Variants in EIF2B3 observed in about 807,000 individuals in gnomAD.
The protein encoded by EIF2B3 is translation initiation factor eIF2B subunit gamma.
EIF2B3 carries 20 observed loss-of-function variants against 54.1 expected under a neutral mutation model. That is an observed-to-expected ratio of 0.37 (90% CI 0.26 to 0.54). EIF2B3 has a LOEUF of 0.54. Ranked by LOEUF, EIF2B3 falls within the 20% of genes least tolerant of loss-of-function variation. The pLI, the probability that EIF2B3 is intolerant of heterozygous loss-of-function variation, is 0.86. For missense variants in EIF2B3, 448 were observed against 547.8 expected (o/e 0.82, Z 1.82); for synonymous variants, 153 against 188.1 (o/e 0.81, Z 1.52).
At chr1:44,920,740 A>C (rs148618042) in intron 5 of EIF2B3, among the ~76,000 whole-genome samples, 344 of 152,278 alleles carry the variant, frequency 2.3e-3, no homozygotes, top group African/African-American at 5.2e-3. Flanking sequence ...TTATGTCTGA[A>C]TAGTACTTAA....
At chr1:44,927,150 A>C (rs1251673316) in intron 4 of EIF2B3, among the ~76,000 whole-genome samples, 20 of 152,128 alleles carry the variant, frequency 1.3e-4, no homozygotes, top group Admixed American at 1.3e-3. Flanking sequence ...AAAAAAAAAA[A>C]CAGGATTGAG....
chr1:44,968,286 A>G (rs1279507825), intron 3 of EIF2B3, among the ~76,000 whole-genome samples: 2 of 148,400 alleles, frequency 1.3e-5, no homozygotes, highest in African/African-American at 5.0e-5. Flanking sequence ...GGATGGCTTG[A>G]GCCCAGGAGG....
At chr1:44,940,147 A>G (rs1644004109) in intron 4 of EIF2B3, among the ~76,000 whole-genome samples, 1 of 152,210 alleles carries the variant, frequency 6.6e-6, no homozygotes, top group South Asian at 2.1e-4. Context: ...ACGTCCTAAA[A>G]TATTAACTAG....
intron 3 of EIF2B3, among the ~76,000 whole-genome samples, chr1:44,963,278 CTTTT>C (rs373810618): frequency 7.0e-6 from 1 of 143,478 alleles, no homozygotes; most frequent in African/African-American, 2.5e-5. Context: ...GGGGGGAAAT[CTTTT>C]TTTTTTTTGA....
At chr1:44,879,681 GA>G (rs1655322693) in intron 8 of EIF2B3, 136 bp downstream of exon 8, 5 of 993,808 alleles carry the variant, frequency 5.0e-6, no homozygotes, top group Admixed American at 4.0e-5. Flanking sequence ...AGTCTCCCTT[GA>G]CGTGCCAGGT....
In EIF2B3 at chr1:44,880,022, A is replaced by G. The variant is rs1295078071; in HGVS notation, c.785-14T>C. ...AACTGTAGATATCTTCAGAACAAAC[A>G]CCCAACCAAGGAAATAAATGAGAGA... On this transcript the variant is annotated splice_polypyrimidine_tract_variant and intron_variant, in intron 7 of 11. Coordinates refer to ENST00000360403, the MANE Select transcript of EIF2B3 (RefSeq NM_020365.5). 1 of 1,613,478 alleles carries G rather than the reference A, an allele frequency of 6.2e-7. No homozygotes were observed. The highest frequency in any genetic ancestry group is 8.5e-7 in the Non-Finnish European group (1 of 1,179,636).
At chr1:44,930,720 A>C (rs2148934725) in intron 4 of EIF2B3, among the ~76,000 whole-genome samples, 1 of 152,282 alleles carries the variant, frequency 6.6e-6, no homozygotes, top group South Asian at 2.1e-4. Flanking sequence ...GGCTCACTGC[A>C]ACCTCCGCCT....
intron 3 of EIF2B3, among the ~76,000 whole-genome samples, chr1:44,949,670 T>C (rs1644140280): frequency 6.6e-6 from 1 of 152,128 alleles, no homozygotes; most frequent in South Asian, 2.1e-4. Flanking sequence ...AACCTGCTAC[T>C]ACCAAAGAAG....
At chr1:44,952,560 T>G (rs1026113034) in intron 3 of EIF2B3, among the ~76,000 whole-genome samples, 1 of 151,486 alleles carries the variant, frequency 6.6e-6, no homozygotes, top group Non-Finnish European at 1.5e-5. Flanking sequence ...TCTCCAATTT[T>G]TTTTTTTTTT....
chr1:44,885,203 A>G (rs1655535977), intron 6 of EIF2B3, among the ~76,000 whole-genome samples: 1 of 152,214 alleles, frequency 6.6e-6, no homozygotes, highest in Admixed American at 6.5e-5. Context: ...TCAAGCAATC[A>G]CAAAGGAGAA....
At chr1:44,866,075 A>C (rs189920245) in intron 10 of EIF2B3, among the ~76,000 whole-genome samples, 1 of 152,194 alleles carries the variant, frequency 6.6e-6, no homozygotes, top group Non-Finnish European at 1.5e-5. Flanking sequence ...AGTATTAAGA[A>C]GTTAGGGGAT....
chr1:44,957,911 G>C (rs1644245115), intron 3 of EIF2B3, among the ~76,000 whole-genome samples: 2 of 152,130 alleles, frequency 1.3e-5, no homozygotes, highest in Non-Finnish European at 2.9e-5. Flanking sequence ...ATGGAAATTT[G>C]GTCATTTTTA....
intron 4 of EIF2B3, among the ~76,000 whole-genome samples, chr1:44,928,997 T>A (rs866512444): frequency 6.6e-6 from 1 of 152,196 alleles, no homozygotes; most frequent in Admixed American, 6.5e-5. Context: ...CTTCCTCAGT[T>A]TCATCTATAA....
chr1:44,870,332 T>C (rs1654927880), intron 10 of EIF2B3, among the ~76,000 whole-genome samples: 2 of 152,072 alleles, frequency 1.3e-5, no homozygotes, highest in South Asian at 4.2e-4. Context: ...CTACAGGCAC[T>C]TCCTACCTCT....
intron 5 of EIF2B3, among the ~76,000 whole-genome samples, chr1:44,917,858 C>T (rs573177513): frequency 0.018 from 2,680 of 145,192 alleles, 29 homozygotes; most frequent in Non-Finnish European, 0.027. Flanking sequence ...ACTGCAAGCT[C>T]CGCCTCCCGG....
At chr1:44,885,357 A>G (rs1413494226) in intron 6 of EIF2B3, among the ~76,000 whole-genome samples, 1 of 152,242 alleles carries the variant, frequency 6.6e-6, no homozygotes, top group South Asian at 2.1e-4. Flanking sequence ...AAACTAAAAT[A>G]AGATGCAATT....
chr1:44,889,368 T>G (rs1569631047), intron 6 of EIF2B3, among the ~76,000 whole-genome samples: 1 of 152,082 alleles, frequency 6.6e-6, no homozygotes, highest in Admixed American at 6.5e-5. Context: ...AAATGGCATC[T>G]CTACTAAAAA....
At chr1:44,859,880 C>T (rs1314716184) in intron 10 of EIF2B3, among the ~76,000 whole-genome samples, 1 of 151,862 alleles carries the variant, frequency 6.6e-6, no homozygotes, top group African/African-American at 2.4e-5. Context: ...CCTCAGCCCC[C>T]CAAGTAGCTG....
chr1:44,902,866 C>CAAAAAAAAA (rs1643341330), intron 5 of EIF2B3, among the ~76,000 whole-genome samples: 1 of 144,526 alleles, frequency 6.9e-6, no homozygotes. Context: ...AGAAAGCTCC[C>CAAAAAAAAA]AAAGAAGCGG....
Sources: allele counts gnomAD v4.1 joint callset (sites outside exome capture counted in the v4.1 genomes callset), GRCh38; gene constraint gnomAD v4.1.1; transcripts MANE v1.5; gene names NCBI Gene and HGNC (gene_info 2026-07-23, HGNC 2026-07-21).